The following NANP variants were observed in gnomAD, a reference collection of about 807,000 sequenced individuals.
NANP encodes the protein N-acetylneuraminic acid phosphatase.
Under a neutral mutation model 16.9 loss-of-function variants are expected in NANP, and 15 were observed. That is an observed-to-expected ratio of 0.89 (90% CI 0.59 to 1.37). The LOEUF is 1.37. Among genes scored for constraint, NANP ranks in the 40% most tolerant of loss-of-function variants. The pLI is 0.00. For synonymous variants in NANP, 135 were observed against 112.6 expected, an observed-to-expected ratio of 1.20 and a Z score of -1.26; for missense variants, 290 against 303.5, an observed-to-expected ratio of 0.96 and a Z score of 0.33.
intron 1 of NANP, among the ~76,000 whole-genome samples, chr20:25,617,016 A>T (rs1417547187): frequency 6.6e-6 from 1 of 152,202 alleles, no homozygotes; most frequent in Non-Finnish European, 1.5e-5. Flanking sequence ...TCGAGACCCC[A>T]TCTTAAAAAC....
Position 25,616,228 on chromosome 20 carries a change from C to T in NANP, c.444G>A (p.Gln148=). Residue 148 remains glutamine, a synonymous_variant, in exon 2 of 2, where the codon CAG becomes CAA. Coordinates refer to ENST00000304788, the MANE Select transcript of NANP (RefSeq NM_152667.3). ...QREKIEACAC[Q]SYFDAVVVGG... ...CTACAACAACAGCGTCAAAATAGGA[C>T]TGACAGGCACAAGCCTCAATCTTCT... 1 of 1,614,188 alleles carries T rather than the reference C, an allele frequency of 6.2e-7. No homozygotes were observed. The highest frequency in any genetic ancestry group is 8.5e-7 in the Non-Finnish European group (1 of 1,180,054).
intron 1 of NANP, among the ~76,000 whole-genome samples, chr20:25,621,163 C>A (rs2065362985): frequency 6.6e-6 from 1 of 152,146 alleles, no homozygotes; most frequent in African/African-American, 2.4e-5. Context: ...TCAAGCAGCG[C>A]TTCTGTTATT....
rs1398578550 is a variant in NANP, at chr20:25,623,966, C to A, written c.-18G>T. On this transcript the variant is annotated 5_prime_UTR_variant, in exon 1 of 2. Transcript: ENST00000304788. ...AGCCCCATAGCGCCGGCCGCTGGCG[C>A]GAACCGTAGCCTTGCCACCGCCGCC... The A allele has an allele frequency of 3.7e-6, 6 of 1,609,966 alleles. No individual in the cohort carries two copies. The African/African-American group carries it at 4.0e-5, about 11-fold the overall frequency.
Position 25,616,338 on chromosome 20 carries a change from C to T in NANP, c.334G>A (p.Glu112Lys). 1.2e-6 allele frequency: 2 copies of T among 1,614,146 alleles called. No homozygotes were observed. The highest frequency in any genetic ancestry group is 1.7e-6 in the Non-Finnish European group (2 of 1,180,026). Residue 112 changes from glutamate (E) to lysine (K), a missense_variant, in exon 2 of 2, where the codon GAA becomes AAA. Coordinates refer to ENST00000304788, the MANE Select transcript of NANP (RefSeq NM_152667.3). ...TCAGTAAGCATGGCTTTGACGTCTT[C>T]TGCTAGTGTCATATGCTGTAAACGT... ...STRLQHMTLA[E>K]DVKAMLTELR...
chr20:25,622,977 A>C lies in NANP; in HGVS notation c.90+882T>G, dbSNP rs575600709. Among the ~76,000 whole-genome samples, 229 of 152,324 alleles carry C rather than the reference A, an allele frequency of 1.5e-3. 3 individuals carry two copies. The South Asian group carries it at 0.022, about 15-fold the overall frequency. On this transcript the variant is annotated intron_variant, in intron 1 of 1. Coordinates refer to ENST00000304788, the MANE Select transcript of NANP (RefSeq NM_152667.3). ...AAACATGAATATGCGGCAGGAGTGGAATGCAGCTAAAAAGAAAACGGATGA... is the reference window on the plus strand; with the variant it reads ...AAACATGAATATGCGGCAGGAGTGGCATGCAGCTAAAAAGAAAACGGATGA...
chr20:25,619,375 C>T (rs1218952514), intron 1 of NANP, among the ~76,000 whole-genome samples: 1 of 152,078 alleles, frequency 6.6e-6, no homozygotes, highest in Admixed American at 6.5e-5. Context: ...CCTGCCTTGG[C>T]CTTCCAAAGT....
In NANP at chr20:25,615,973, T is replaced by A. The variant is rs773670130; in HGVS notation, c.699A>T (p.Leu233Phe). The change falls in exon 2 of 2, where the codon TTA becomes TTT. Residue 233 changes from leucine to phenylalanine, a missense_variant. By Grantham distance (22) the Leu-to-Phe change is conservative (BLOSUM62 0). Transcript: ENST00000304788. ...AGTCTATACTTTGTAAGAGAGCAGG[T>A]AACTCTAGCACAGAAGAAACCATGT... ...PHYMVSSVLE[L>F]PALLQSIDCK... The A allele has an allele frequency of 6.2e-7, 1 of 1,613,954 alleles. No individual in the cohort carries two copies. Among genetic ancestry groups the A allele is most frequent in the African/African-American group, 1.3e-5 (1 of 74,918 alleles).
In NANP at chr20:25,623,358, G is replaced by A. The variant is rs1311379605; in HGVS notation, c.90+501C>T. Among the ~76,000 whole-genome samples, 6 of 152,224 alleles carry A rather than the reference G, an allele frequency of 3.9e-5. 1 individual carries two copies. The highest frequency in any genetic ancestry group is 3.9e-4 in the Admixed American group (6 of 15,286). On this transcript the variant is annotated intron_variant, in intron 1 of 1. Transcript: ENST00000304788. ...TCTGCGGCGACAATTCTCTAAAGCA[G>A]GGCTTAAGTCCAGGCTCGGTACTGA...
intron 1 of NANP, among the ~76,000 whole-genome samples, chr20:25,620,270 G>A (rs1038354535): frequency 1.3e-5 from 2 of 152,140 alleles, no homozygotes; most frequent in Non-Finnish European, 2.9e-5. Context: ...TGTCTGACTG[G>A]TAAGGCAGGG....
rs1482733185 is a variant in NANP at position 25,616,535 on chromosome 20, T to C, written c.137A>G (p.Glu46Gly). 1 of 1,607,916 alleles carries C rather than the reference T, an allele frequency of 6.2e-7. No individual in the cohort carries two copies. Among genetic ancestry groups the C allele is most frequent in the Non-Finnish European group, 8.5e-7 (1 of 1,177,958 alleles). Residue 46 changes from glutamate (E) to glycine (G), a missense_variant, in exon 2 of 2, where the codon GAA (glutamate) becomes GGA (glycine). By Grantham distance (98) the Glu-to-Gly change is moderately conservative (BLOSUM62 -2). Transcript: ENST00000304788. ...QSKYHYKEEAEIICDKVQVKL... is the reference protein window; with the variant it reads ...QSKYHYKEEAGIICDKVQVKL... Reference sequence around the variant, plus strand: ...AACTTGAACTTTATCACAGATGATTTCAGCCTCTTCTTTATAATGGTATTT... The same window carrying C: ...AACTTGAACTTTATCACAGATGATTCCAGCCTCTTCTTTATAATGGTATTT...
chr20:25,623,795 G>C (rs2065378376), intron 1 of NANP, 64 bp downstream of exon 1: 1 of 1,449,712 alleles, frequency 6.9e-7, no homozygotes, highest in Admixed American at 2.1e-5. Flanking sequence ...GGGGAGGTGA[G>C]CGTGCAGGAC....
intron 1 of NANP, among the ~76,000 whole-genome samples, chr20:25,618,183 T>C (rs2065351084): frequency 8.8e-6 from 1 of 113,320 alleles, no homozygotes; most frequent in Non-Finnish European, 1.6e-5. Context: ...ATACAACCAC[T>C]ACAAATCATG....
In NANP at chr20:25,616,361, C is replaced by A; in HGVS notation, c.311G>T (p.Arg104Leu). 2 of 1,614,122 alleles carry A rather than the reference C, an allele frequency of 1.2e-6. No individual in the cohort carries two copies. The highest frequency in any genetic ancestry group is 1.7e-5 in the Admixed American group (1 of 60,016). ...TTCTGCTAGTGTCATATGCTGTAAA[C>A]GTGTAGATTTCCAAAGGAAATAACA... ...EECYFLWKST[R>L]LQHMTLAEDV... The change falls in exon 2 of 2, where the codon CGT (arginine) becomes CTT (leucine). Residue 104 changes from arginine to leucine, a missense_variant. By Grantham distance (102) the Arg-to-Leu change is moderately radical (BLOSUM62 -2). Coordinates refer to ENST00000304788, the MANE Select transcript of NANP (RefSeq NM_152667.3).
chr20:25,621,496 C>T (rs532718901), intron 1 of NANP, among the ~76,000 whole-genome samples: 3 of 152,176 alleles, frequency 2.0e-5, no homozygotes, highest in Admixed American at 6.5e-5. Flanking sequence ...AGTATATGAC[C>T]TCTTCTCCCC....
intron 1 of NANP, among the ~76,000 whole-genome samples, chr20:25,621,659 A>G (rs2065364724): frequency 6.6e-6 from 1 of 152,134 alleles, no homozygotes; most frequent in African/African-American, 2.4e-5. Context: ...GGTTCACGCC[A>G]TTCTCCTGGC....
intron 1 of NANP, among the ~76,000 whole-genome samples, chr20:25,620,434 T>C (rs1377266822): frequency 6.6e-6 from 1 of 152,166 alleles, no homozygotes; most frequent in East Asian, 1.9e-4. Context: ...TCTGAACGTA[T>C]ACGAAAAAGG....
intron 1 of NANP, among the ~76,000 whole-genome samples, chr20:25,621,917 A>C (rs1192184549): frequency 6.6e-6 from 1 of 152,254 alleles, no homozygotes; most frequent in African/African-American, 2.4e-5. Flanking sequence ...CAAGTCTCGA[A>C]GTAAAAATTT....
chr20:25,621,774 C>A (rs1600398874), intron 1 of NANP, among the ~76,000 whole-genome samples: 1 of 152,206 alleles, frequency 6.6e-6, no homozygotes, highest in Non-Finnish European at 1.5e-5. Flanking sequence ...AGGATGGTCT[C>A]CATCTGCTGA....
At chr20:25,620,892 T>C (rs1195886727) in intron 1 of NANP, among the ~76,000 whole-genome samples, 1 of 151,428 alleles carries the variant, frequency 6.6e-6, no homozygotes, top group Non-Finnish European at 1.5e-5. Context: ...TAAGTGAAAA[T>C]GCTATATAAA....
Sources: allele counts gnomAD v4.1 joint callset (sites outside exome capture counted in the v4.1 genomes callset), GRCh38; gene constraint gnomAD v4.1.1; transcripts MANE v1.5; gene names NCBI Gene and HGNC (gene_info 2026-07-23, HGNC 2026-07-21).